Variants in ZNF608 observed in about 807,000 individuals in gnomAD.
ZNF608 encodes the protein zinc finger protein 608.
ZNF608 carries 12 observed loss-of-function variants against 109.0 expected under a neutral mutation model. The observed-to-expected ratio is 0.11, with a 90% confidence interval of 0.07 to 0.18. ZNF608 has a LOEUF of 0.18. ZNF608 is among the 10% of genes least tolerant of loss of function. The probability of loss-of-function intolerance (pLI) is 1.00; values close to 1 mark genes in which losing one functional copy is unlikely to be tolerated. For missense variants in ZNF608, 1,707 were observed against 1,879.3 expected (o/e 0.91, Z 1.70); for synonymous variants, 732 against 717.4 (o/e 1.02, Z -0.33).
At chr5:124,677,644 C>T (rs1752004569) in intron 3 of ZNF608, among the ~76,000 whole-genome samples, 1 of 152,070 alleles carries the variant, frequency 6.6e-6, no homozygotes. Context: ...GCTCTCCCAT[C>T]TGCTTGGCCT....
intron 3 of ZNF608, among the ~76,000 whole-genome samples, chr5:124,697,329 A>T (rs995529328): frequency 8.6e-5 from 13 of 151,542 alleles, no homozygotes; most frequent in African/African-American, 2.9e-4. Context: ...GTATTTACAC[A>T]TATTGCTATA....
At chr5:124,725,888 C>A (rs1754116883) in intron 2 of ZNF608, among the ~76,000 whole-genome samples, 1 of 152,072 alleles carries the variant, frequency 6.6e-6, no homozygotes, top group Non-Finnish European at 1.5e-5. Context: ...TGTGAGAGTT[C>A]TCCACTTTAA....
chr5:124,657,630 G>A (rs904294939), intron 3 of ZNF608, among the ~76,000 whole-genome samples: 6 of 152,038 alleles, frequency 3.9e-5, no homozygotes, highest in African/African-American at 1.4e-4. Flanking sequence ...ACCTGAGATC[G>A]CACCACTGCA....
chr5:124,716,224 TA>T, intron 2 of ZNF608, among the ~76,000 whole-genome samples: 1 of 152,066 alleles, frequency 6.6e-6, no homozygotes, highest in Non-Finnish European at 1.5e-5. Flanking sequence ...AGCATCTATT[TA>T]AATCACTGAA....
At chr5:124,693,992 TTG>T (rs1752729469) in intron 3 of ZNF608, among the ~76,000 whole-genome samples, 1 of 136,882 alleles carries the variant, frequency 7.3e-6, no homozygotes, top group African/African-American at 2.7e-5. Flanking sequence ...TTTTTTTTTT[TTG>T]AGAGAGAGTC....
In ZNF608 at chr5:124,647,429, T is replaced by C. The variant is rs995648629; in HGVS notation, c.2955A>G (p.Gln985=). The C allele has an allele frequency of 6.2e-7, 1 of 1,614,230 alleles. No individual in the cohort carries two copies. The highest frequency in any genetic ancestry group is 1.1e-5 in the South Asian group (1 of 91,078). ...VVKGHSSTTA[Q]SSQLKESHSP... ...AATGGGACTCTTTCAGTTGAGATGA[T>C]TGTGCTGTAGTTGAAGAATGCCCTT... is the stretch of plus-strand genomic sequence containing the variant. The change falls in exon 5 of 10, where the codon CAA becomes CAG. Residue 985 remains glutamine (Q), a synonymous_variant. Coordinates refer to ENST00000513986, the MANE Select transcript of ZNF608 (RefSeq NM_020747.3).
chr5:124,742,359 C>T (rs1329035188), intron 2 of ZNF608, among the ~76,000 whole-genome samples: 1 of 152,160 alleles, frequency 6.6e-6, no homozygotes, highest in Non-Finnish European at 1.5e-5. Context: ...GCAGTACCTC[C>T]CACATTCCAA....
chr5:124,747,608 C>G (rs976769057), upstream of ZNF608, among the ~76,000 whole-genome samples: 7 of 151,520 alleles, frequency 4.6e-5, no homozygotes, highest in African/African-American at 1.5e-4. Context: ...TCTCCCCTCC[C>G]CCTGCACACA....
At chr5:124,658,647 C>T (rs538859000) in intron 3 of ZNF608, among the ~76,000 whole-genome samples, 1 of 151,948 alleles carries the variant, frequency 6.6e-6, no homozygotes, top group African/African-American at 2.4e-5. Context: ...TTTCTCAAAC[C>T]CTCTCCTTTT....
In ZNF608 at chr5:124,641,535, T is replaced by C. The variant is rs887362527; in HGVS notation, c.4297-130A>G. On this transcript the variant is annotated intron_variant, in intron 7 of 9. Transcript: ENST00000513986. ...AAGTAAATATAAAGATACAATTCTT[T>C]AGTAACTAAAGAGAATTTCAAAAAA... The C allele has an allele frequency of 5.6e-6, 6 of 1,063,948 alleles. No homozygotes were observed. The African/African-American group carries it at 8.1e-5, about 14-fold the overall frequency. The allele number at this position is 1,063,948 out of a possible 1,614,324, so 65.9% of individuals were successfully genotyped here.
Position 124,648,586 on chromosome 5 carries a change from C to T in ZNF608, c.1798G>A (p.Glu600Lys). ...TCAAGTGCCACATTACTCAATCCTTCCTCACAGTCCGAGATCTTGTCCTCA... is the reference window on the plus strand; with the variant it reads ...TCAAGTGCCACATTACTCAATCCTTTCTCACAGTCCGAGATCTTGTCCTCA... ...DSEDKISDCE[E>K]GLSNVALECS... is the part of the protein sequence containing the mutation. Residue 600 changes from glutamate to lysine, a missense_variant, in exon 5 of 10, where the codon GAA becomes AAA. This residue lies in a region of ZNF608 where 1,073 missense variants were observed against 1,133.5 expected (regional missense o/e 0.95). Coordinates refer to ENST00000513986, the MANE Select transcript of ZNF608 (RefSeq NM_020747.3). 6.2e-7 allele frequency: 1 copy of T among 1,614,236 alleles called. No individual in the cohort carries two copies. The highest frequency in any genetic ancestry group is 8.5e-7 in the Non-Finnish European group (1 of 1,180,050).
intron 3 of ZNF608, among the ~76,000 whole-genome samples, chr5:124,669,603 G>A (rs1290675120): frequency 6.6e-6 from 1 of 152,038 alleles, no homozygotes; most frequent in Non-Finnish European, 1.5e-5. Context: ...GTAGGTTTCA[G>A]AACCTGGGTC....
rs772188100 is a variant in ZNF608 at position 124,647,342 on chromosome 5, G to C, written c.3042C>G (p.Val1014=). The change falls in exon 5 of 10, where the codon GTC becomes GTG. Residue 1014 remains valine, a synonymous_variant. Transcript: ENST00000513986. ...CACTATTTCCAGCTGCAGGGGCACC[G>C]ACCTGCCCAGGGTGCATGTAACTTG... is the stretch of plus-strand genomic sequence containing the variant. ...YSPSYMHPGQ[V]GAPAAGNSGS... 5 of 1,614,024 alleles carry C rather than the reference G, an allele frequency of 3.1e-6. No homozygotes were observed. Among genetic ancestry groups the C allele is most frequent in the Non-Finnish European group, 4.2e-6 (5 of 1,180,034 alleles).
At chr5:124,722,407 A>G (rs1040708362) in intron 2 of ZNF608, among the ~76,000 whole-genome samples, 3 of 152,200 alleles carry the variant, frequency 2.0e-5, no homozygotes, top group African/African-American at 7.2e-5. Context: ...GGGAAACATC[A>G]GTAAGTGTAT....
At chr5:124,671,696 T>C (rs970068229) in intron 3 of ZNF608, among the ~76,000 whole-genome samples, 8 of 148,596 alleles carry the variant, frequency 5.4e-5, no homozygotes, top group Admixed American at 1.3e-4. Context: ...AGTGGCAGGA[T>C]GACATCACAA....
intron 3 of ZNF608, among the ~76,000 whole-genome samples, chr5:124,659,991 T>G (rs946168435): frequency 2.6e-5 from 4 of 152,244 alleles, no homozygotes; most frequent in Non-Finnish European, 4.4e-5. Context: ...CATACATTCC[T>G]ACCGCTCTGC....
intron 2 of ZNF608, among the ~76,000 whole-genome samples, chr5:124,701,671 T>A (rs1753058199): frequency 6.6e-6 from 1 of 152,194 alleles, no homozygotes; most frequent in Non-Finnish European, 1.5e-5. Context: ...ACACTAAAAA[T>A]TTAAGTATAA....
chr5:124,641,067 T>C (rs1289265389), intron 8 of ZNF608, among the ~76,000 whole-genome samples, 185 bp downstream of exon 8: 2 of 152,334 alleles, frequency 1.3e-5, no homozygotes, highest in South Asian at 2.1e-4. Flanking sequence ...AGCCATTTCA[T>C]GTCTCAATAG....
In ZNF608 at chr5:124,637,252, A is replaced by G. The variant is rs1311704524; in HGVS notation, c.*648T>C. 3 of 152,660 alleles carry G rather than the reference A, an allele frequency of 2.0e-5. No homozygotes were observed. Among genetic ancestry groups the G allele is most frequent in the African/African-American group, 7.2e-5 (3 of 41,462 alleles). 9.5% of individuals were successfully genotyped at this position (152,660 alleles called of 1,614,324 possible). A position where few individuals can be genotyped will look rare whatever the true frequency, so the allele number is the denominator to read the frequency against. ...TTCCCCATTTTAATCTTTACATTAT[A>G]TACAACACAGTTTTTGTGGTACTGG... On this transcript the variant is annotated 3_prime_UTR_variant, in exon 10 of 10. Coordinates refer to ENST00000513986, the MANE Select transcript of ZNF608 (RefSeq NM_020747.3).
Sources: allele counts gnomAD v4.1 joint callset (sites outside exome capture counted in the v4.1 genomes callset), GRCh38; gene constraint gnomAD v4.1.1; regional missense constraint gnomAD v4.1.1; transcripts MANE v1.5; gene names NCBI Gene and HGNC (gene_info 2026-07-23, HGNC 2026-07-21).